Variants in SLC24A1 observed in about 807,000 individuals in gnomAD.
SLC24A1 encodes solute carrier family 24 member 1.
A neutral mutation model predicts 88.1 loss-of-function variants in SLC24A1; 52 were observed. The ratio of observed to expected loss-of-function variants is 0.59; its 90% CI spans 0.47 to 0.74. The LOEUF (loss-of-function observed/expected upper bound fraction) is 0.74. Ranked by LOEUF, SLC24A1 falls within the 30% of genes least tolerant of loss-of-function variation. SLC24A1 has a pLI of 0.00. For missense variants in SLC24A1, 1,173 were observed against 1,363.3 expected (o/e 0.86, Z 2.20); for synonymous variants, 455 against 498.0 (o/e 0.91, Z 1.15).
Position 65,655,567 on chromosome 15 carries a change from G to T in SLC24A1, c.*1488G>T. The T allele has an allele frequency of 2.0e-6, 2 of 985,412 alleles. No individual in the cohort carries two copies. The highest frequency in any genetic ancestry group is 2.4e-6 in the Non-Finnish European group (2 of 829,924). The allele number at this position is 985,412 out of a possible 1,614,324, so 61.0% of individuals were successfully genotyped here. On this transcript the variant is annotated 3_prime_UTR_variant, in exon 10 of 10. Transcript: ENST00000261892. ...CAAGTTAAGGGACACGTTAGAAATA[G>T]AACAGCTTAATATCACTGGCTTCAG...
rs1168537576 is a variant in SLC24A1, at chr15:65,650,443, G to A, written c.2294G>A (p.Gly765Asp). The part of the protein sequence containing the change: ...EMPGEEGETA[G>D]EGETEEKSGG... ...CCAGGCGAAGAGGGCGAAACTGCTG[G>A]TGAAGGTGAAACTGAAGAGAAAAGT... The change falls in exon 7 of 10, where the codon GGT (glycine) becomes GAT (aspartate). Residue 765 changes from glycine (G) to aspartate (D), a missense_variant. Gly to Asp is a moderately conservative substitution (Grantham distance 94). Transcript: ENST00000261892. This position sits in a 1 kb window ranked among gnomAD's most constrained non-coding sequence, Gnocchi z 4.1. 4 of 1,551,636 alleles carry A rather than the reference G, an allele frequency of 2.6e-6. No individual in the cohort carries two copies. In the African/African-American group the frequency reaches 4.1e-5, roughly 16 times the overall value.
chr15:65,651,116 A>T (rs985564660), intron 7 of SLC24A1, among the ~76,000 whole-genome samples, 174 bp downstream of exon 7: 5 of 152,152 alleles, frequency 3.3e-5, no homozygotes, highest in African/African-American at 1.2e-4. Context: ...CTATGTGCTT[A>T]GGGGACATAC....
chr15:65,656,083 C>G lies in SLC24A1; in HGVS notation c.*2004C>G. 1.0e-6 allele frequency: 1 copy of G among 985,404 alleles called. No individual in the cohort carries two copies. The highest frequency in any genetic ancestry group is 4.7e-5 in the South Asian group (1 of 21,282). 61.0% of individuals were successfully genotyped at this position (985,404 alleles called of 1,614,324 possible). A position where few individuals can be genotyped will look rare whatever the true frequency, so the allele number is the denominator to read the frequency against. On this transcript the variant is annotated 3_prime_UTR_variant, in exon 10 of 10. Coordinates refer to ENST00000261892, the MANE Select transcript of SLC24A1 (RefSeq NM_004727.3). ...GAGGTCCCAATACCAAAATTCTGGG[C>G]ACTAACCTGGTGTCTGCAGCCCGTT... is the stretch of plus-strand genomic sequence containing the variant.
At chr15:65,639,303 G>A (rs982922557) in intron 3 of SLC24A1, among the ~76,000 whole-genome samples, 9 of 152,294 alleles carry the variant, frequency 5.9e-5, no homozygotes, top group Admixed American at 2.0e-4. Flanking sequence ...TTGCAGGGAT[G>A]TGCAAACCCT....
chr15:65,655,385 C>A lies in SLC24A1; in HGVS notation c.*1306C>A. On this transcript the variant is annotated 3_prime_UTR_variant, in exon 10 of 10. Transcript: ENST00000261892. ...TTACAAAAGGGAAATTCCAAGAATG[C>A]ATAACACAATGACAACATGGTGAGA... The A allele has an allele frequency of 1.0e-6, 1 of 985,230 alleles. No homozygotes were observed. The highest frequency in any genetic ancestry group is 1.2e-6 in the Non-Finnish European group (1 of 829,782). 61.0% of individuals were successfully genotyped at this position (985,230 alleles called of 1,614,324 possible). A position where few individuals can be genotyped will look rare whatever the true frequency, so the allele number is the denominator to read the frequency against.
At chr15:65,619,467 G>A (rs1460193221), upstream of SLC24A1, among the ~76,000 whole-genome samples, 1 of 151,546 alleles carries the variant, frequency 6.6e-6, no homozygotes, top group Non-Finnish European at 1.5e-5. Context: ...AATGATTGAT[G>A]TAACTTAATT....
At chr15:65,658,550 C>T (rs193103218), downstream of SLC24A1, 44 of 152,298 alleles carry the variant, frequency 2.9e-4, no homozygotes, top group African/African-American at 9.9e-4. Flanking sequence ...AGAAATGTTT[C>T]GGACCAGAAG....
In SLC24A1 at chr15:65,651,830, C is replaced by T. The variant is rs753625842; in HGVS notation, c.2883+71C>T. On this transcript the variant is annotated intron_variant, in intron 8 of 9. Coordinates refer to ENST00000261892, the MANE Select transcript of SLC24A1 (RefSeq NM_004727.3). Reference sequence around the variant, plus strand: ...GACACTTTCCTTCAGGATCAATCTCCGGTACTCAGGGAATCTCGAGGATCA... The same window carrying T: ...GACACTTTCCTTCAGGATCAATCTCTGGTACTCAGGGAATCTCGAGGATCA... The T allele has an allele frequency of 6.1e-5, 49 of 801,820 alleles. 1 individual carries two copies. The highest frequency in any genetic ancestry group is 4.1e-4 in the South Asian group (29 of 70,534). The allele number at this position is 801,820 out of a possible 1,614,324, so 49.7% of individuals were successfully genotyped here.
chr15:65,645,779 C>T (rs1265375407), intron 6 of SLC24A1, 76 bp downstream of exon 6: 11 of 918,690 alleles, frequency 1.2e-5, no homozygotes, highest in Non-Finnish European at 1.9e-5. Flanking sequence ...TACATCCTCC[C>T]TGAAGGTCTG....
chr15:65,656,181 G>C lies in SLC24A1; in HGVS notation c.*2102G>C, dbSNP rs1226372461. Reference sequence around the variant, plus strand: ...GTTCTTCCTCAGACTGGAGTAAGGAGTGATGGACCGTAAAATGCTGTGTAA... The same window carrying C: ...GTTCTTCCTCAGACTGGAGTAAGGACTGATGGACCGTAAAATGCTGTGTAA... On this transcript the variant is annotated 3_prime_UTR_variant, in exon 10 of 10. Transcript: ENST00000261892. 1.0e-6 allele frequency: 1 copy of C among 985,148 alleles called. No homozygotes were observed. 61.0% of individuals were successfully genotyped at this position (985,148 alleles called of 1,614,324 possible).
Position 65,652,824 on chromosome 15 carries a change from A to C in SLC24A1, c.3050+16A>C. The C allele has an allele frequency of 1.3e-6, 2 of 1,578,130 alleles. No individual in the cohort carries two copies. Among genetic ancestry groups the C allele is most frequent in the South Asian group, 1.2e-5 (1 of 85,974 alleles). ...TCACTGTGGGGTGAGTGGCAATGTA[A>C]CTTTCTAAGGGGTGTTAAGTATGAC... On this transcript the variant is annotated intron_variant, in intron 9 of 9. Coordinates refer to ENST00000261892, the MANE Select transcript of SLC24A1 (RefSeq NM_004727.3).
intron 5 of SLC24A1, 92 bp downstream of exon 5, chr15:65,644,605 C>A: frequency 1.2e-6 from 1 of 860,096 alleles, no homozygotes; most frequent in Non-Finnish European, 1.9e-6. Context: ...GCCAGCCAGG[C>A]CAGGGGCTGA....
rs774115812 is a variant in SLC24A1, at chr15:65,625,473, G to A, written c.1393G>A (p.Val465Met). The A allele has an allele frequency of 1.5e-5, 24 of 1,613,928 alleles. No homozygotes were observed. Among genetic ancestry groups the A allele is most frequent in the Non-Finnish European group, 1.9e-5 (23 of 1,179,900 alleles). ...VVLHVFGMMYVFVALAIVCDE... is the reference protein window; with the variant it reads ...VVLHVFGMMYMFVALAIVCDE... ...CCTGCACGTTTTTGGCATGATGTAT[G>A]TGTTTGTGGCCTTGGCCATTGTTTG... The change falls in exon 2 of 10, where the codon GTG (valine) becomes ATG (methionine). Residue 465 changes from valine to methionine, a missense_variant. Transcript: ENST00000261892.
intron 2 of SLC24A1, among the ~76,000 whole-genome samples, chr15:65,631,997 A>G (rs749078652): frequency 9.9e-5 from 15 of 151,962 alleles, no homozygotes; most frequent in Non-Finnish European, 1.8e-4. Flanking sequence ...ACACCCAGCT[A>G]ATTTTTGTAT....
rs112176866 is a variant in SLC24A1 at position 65,646,284 on chromosome 15, G to A, written c.2232+581G>A. 8.8e-3 allele frequency among the ~76,000 whole-genome samples: 1,328 copies of A among 151,266 alleles called. 22 individuals are homozygous for A. The highest frequency in any genetic ancestry group is 0.031 in the African/African-American group (1,261 of 41,176). ...AGTAGAGACGGGGTTTCAACATGTT[G>A]GCCAGGATGGTCTTGATCTCCTGAC... On this transcript the variant is annotated intron_variant, in intron 6 of 9. Coordinates refer to ENST00000261892, the MANE Select transcript of SLC24A1 (RefSeq NM_004727.3).
At chr15:65,646,230 CT>C (rs1391849622) in intron 6 of SLC24A1, among the ~76,000 whole-genome samples, 1 of 151,980 alleles carries the variant, frequency 6.6e-6, no homozygotes, top group South Asian at 2.1e-4. Context: ...CCATGTTTTT[CT>C]TTTTTTTATT....
At chr15:65,627,795 T>A (rs568803274) in intron 2 of SLC24A1, among the ~76,000 whole-genome samples, 14 of 152,314 alleles carry the variant, frequency 9.2e-5, no homozygotes, top group Non-Finnish European at 1.3e-4. Context: ...CTACAAACTC[T>A]GACCATCAAA....
chr15:65,629,241 A>G (rs548129236), intron 2 of SLC24A1, among the ~76,000 whole-genome samples: 1 of 152,268 alleles, frequency 6.6e-6, no homozygotes, highest in East Asian at 1.9e-4. Context: ...CTTTCACTTT[A>G]CCGTTTATTC....
rs189980158 is a variant in SLC24A1, at chr15:65,633,805, G to A, written c.1891-4323G>A. On this transcript the variant is annotated intron_variant, in intron 2 of 9. Transcript: ENST00000261892. ...TAAGCAGGAGGCTGTGCTAAGTTAA[G>A]AAGTTTAGACTCTTACTGGGTGACA... is the stretch of plus-strand genomic sequence containing the variant. Among the ~76,000 whole-genome samples, 68 of 152,316 alleles carry A rather than the reference G, an allele frequency of 4.5e-4. 1 individual carries two copies. The East Asian group carries it at 0.011, about 25-fold the overall frequency.
Sources: gnomAD v4.1 joint callset for allele counts (sites outside exome capture counted in the v4.1 genomes callset) on GRCh38, gnomAD v4.1.1 for gene constraint, Gnocchi (gnomAD v3.1) non-coding constraint, MANE v1.5 for transcripts, NCBI Gene and HGNC (gene_info 2026-07-23, HGNC 2026-07-21) for gene names.